KIAA1217: variants seen among roughly 807,000 people sequenced by gnomAD.
KIAA1217 encodes the protein sickle tail protein homolog.
In KIAA1217, 88 loss-of-function variants were observed where a neutral mutation model predicts 163.9. That is an observed-to-expected ratio of 0.54 (90% CI 0.45 to 0.64). The LOEUF is 0.64. Ranked by LOEUF, KIAA1217 falls within the 30% of genes least tolerant of loss-of-function variation. The pLI, the probability that KIAA1217 is intolerant of heterozygous loss-of-function variation, is 0.00. For synonymous variants in KIAA1217, 903 were observed against 923.1 expected (o/e 0.98, Z 0.39); for missense variants, 2,372 against 2,475.0 (o/e 0.96, Z 0.88).
In KIAA1217 at chr10:24,546,223, A is replaced by G; in HGVS notation, c.5731A>G (p.Lys1911Glu). 6.2e-7 allele frequency: 1 copy of G among 1,614,150 alleles called. No homozygotes were observed. Among genetic ancestry groups the G allele is most frequent in the South Asian group, 1.1e-5 (1 of 91,080 alleles). ...CTCCGTCTCACTGAATCAAGGTGCC[A>G]AGGGCACCAGGACCATCCATACTCC... ...ASSVSLNQGAKGTRTIHTPSL... is the reference protein window; with the variant it reads ...ASSVSLNQGAEGTRTIHTPSL... Residue 1911 changes from lysine to glutamate, a missense_variant, in exon 21 of 21, where the codon AAG (lysine) becomes GAG (glutamate). By Grantham distance (56) the Lys-to-Glu change is moderately conservative. Around this residue, in one of 3 missense-constraint regions of KIAA1217, gnomAD observed 690 missense variants for 677.5 expected, o/e 1.02. Coordinates refer to ENST00000376454, the MANE Select transcript of KIAA1217 (RefSeq NM_019590.5).
chr10:24,524,605 G>A lies in KIAA1217; in HGVS notation c.2739G>A (p.Val913=). 6.2e-7 allele frequency: 1 copy of A among 1,613,982 alleles called. No individual in the cohort carries two copies. The highest frequency in any genetic ancestry group is 8.5e-7 in the Non-Finnish European group (1 of 1,180,030). The change falls in exon 13 of 21, where the codon GTG becomes GTA. Residue 913 remains valine, a synonymous_variant. Coordinates refer to ENST00000376454, the MANE Select transcript of KIAA1217 (RefSeq NM_019590.5). ...ACCCTGCTCAGAACTTGCCTCACGTGGCCAGCTCCCCAGCCGTCCCCCAGG... is the reference window on the plus strand; with the variant it reads ...ACCCTGCTCAGAACTTGCCTCACGTAGCCAGCTCCCCAGCCGTCCCCCAGG... ...LLNPAQNLPH[V]ASSPAVPQEA...
intron 3 of KIAA1217, among the ~76,000 whole-genome samples, chr10:24,393,403 C>T (rs984951044): frequency 1.3e-5 from 2 of 152,142 alleles, no homozygotes; most frequent in Admixed American, 6.5e-5. Context: ...GAGGTTCTGT[C>T]TGGAGCAGGG....
intron 1 of KIAA1217, among the ~76,000 whole-genome samples, chr10:23,869,130 T>TG (rs1840335897): frequency 1.5e-5 from 2 of 133,738 alleles, no homozygotes; most frequent in Admixed American, 7.8e-5. Flanking sequence ...TGTAGTTTTT[T>TG]TTTTTTTTTT....
chr10:23,996,869 T>C (rs528389897), intron 1 of KIAA1217, among the ~76,000 whole-genome samples: 1 of 152,284 alleles, frequency 6.6e-6, no homozygotes, highest in South Asian at 2.1e-4. Context: ...ACTCCAACAA[T>C]ACTTAACTAG....
Position 23,891,133 on chromosome 10 carries a change from T to A in KIAA1217, c.-320-116092T>A, listed in dbSNP as rs373678208. 2.0e-5 allele frequency among the ~76,000 whole-genome samples: 3 copies of A among 152,142 alleles called. No homozygotes were observed. The South Asian group carries it at 6.2e-4, about 32-fold the overall frequency. On this transcript the variant is annotated intron_variant, in intron 1 of 18. Transcript: ENST00000376462. ...TACATTTGCAGATTAAATTAAAATG[T>A]ATCTTTCTAGTTTATACAGTACATT...
chr10:24,194,356 T>TACCCCACCAC (rs2066883592), intron 2 of KIAA1217, among the ~76,000 whole-genome samples: 3 of 65,502 alleles, frequency 4.6e-5, no homozygotes, highest in African/African-American at 1.8e-4. Context: ...ACCACTCCCC[T>TACCCCACCAC]TCCTTCATCC....
At chr10:24,282,849 T>C (rs967638539) in intron 2 of KIAA1217, among the ~76,000 whole-genome samples, 1 of 147,154 alleles carries the variant, frequency 6.8e-6, no homozygotes, top group African/African-American at 2.5e-5. Context: ...TTTTTTTTTT[T>C]TCAGACGGAG....
chr10:24,202,903 T>C (rs1298412562), intron 2 of KIAA1217, among the ~76,000 whole-genome samples: 1 of 152,180 alleles, frequency 6.6e-6, no homozygotes, highest in East Asian at 1.9e-4. Context: ...AAAATAGGTA[T>C]ACCGGGCCAG....
At chr10:24,397,187 C>T (rs1329654998) in intron 3 of KIAA1217, among the ~76,000 whole-genome samples, 1 of 148,050 alleles carries the variant, frequency 6.8e-6, no homozygotes, top group Non-Finnish European at 1.5e-5. Flanking sequence ...TCTTGGCTCA[C>T]TGCAACCTCA....
chr10:24,347,963 T>A (rs1177257368), intron 2 of KIAA1217, among the ~76,000 whole-genome samples: 2 of 152,264 alleles, frequency 1.3e-5, no homozygotes, highest in African/African-American at 4.8e-5. Flanking sequence ...GTCATTCATA[T>A]GCATATTCAT....
rs180718378 is a variant in KIAA1217, at chr10:23,906,273, C to A, written c.-320-100952C>A. Among the ~76,000 whole-genome samples the A allele has an allele frequency of 6.5e-3, 985 of 151,830 alleles. 9 individuals carry two copies. Among genetic ancestry groups the A allele is most frequent in the Middle Eastern group, 0.02 (6 of 294 alleles). ...TAGGAAGCACACACACACACACACACAAAAATACACATACACACAAACACG... is the reference window on the plus strand; with the variant it reads ...TAGGAAGCACACACACACACACACAAAAAAATACACATACACACAAACACG... On this transcript the variant is annotated intron_variant, in intron 1 of 18. Transcript: ENST00000376462.
intron 1 of KIAA1217, among the ~76,000 whole-genome samples, chr10:23,858,896 A>G (rs576962453): frequency 1.3e-5 from 2 of 152,276 alleles, no homozygotes; most frequent in South Asian, 2.1e-4. Context: ...TACAATCTCA[A>G]AATCGTCCTT....
intron 1 of KIAA1217, among the ~76,000 whole-genome samples, chr10:24,218,505 T>C (rs1450948240): frequency 6.6e-6 from 1 of 152,124 alleles, no homozygotes; most frequent in Non-Finnish European, 1.5e-5. Context: ...TTTTTTTCTT[T>C]TGAGACGGAG....
intron 2 of KIAA1217, among the ~76,000 whole-genome samples, chr10:24,130,715 A>C (rs2076361852): frequency 2.6e-5 from 4 of 152,008 alleles, no homozygotes; most frequent in African/African-American, 9.7e-5. Flanking sequence ...GCACCTCATG[A>C]CTCCCATATA....
intron 2 of KIAA1217, among the ~76,000 whole-genome samples, chr10:24,196,669 A>G (rs968810904): frequency 3.0e-4 from 46 of 152,184 alleles, no homozygotes; most frequent in Admixed American, 2.7e-3. Context: ...TGCTGGTGAC[A>G]GTTGCGTCCC....
chr10:24,105,218 G>T (rs527445663), intron 2 of KIAA1217, among the ~76,000 whole-genome samples: 1 of 152,228 alleles, frequency 6.6e-6, no homozygotes, highest in South Asian at 2.1e-4. Context: ...TAAGGAGCAA[G>T]AGAAAATTCA....
rs34656346 is a variant in KIAA1217, at chr10:23,776,679, CT to C, written c.-321+81464del. Among the ~76,000 whole-genome samples the C allele has an allele frequency of 1.7e-3, 197 of 117,896 alleles. 2 individuals are homozygous for C. Among genetic ancestry groups the C allele is most frequent in the South Asian group, 0.012 (42 of 3,646 alleles). 77.3% of individuals were successfully genotyped at this position (117,896 alleles called of 152,430 possible). ...TACTGAGTGTTATTGACTGTGGGTA[CT>C]TTTTTTTTTTTTTTTTTTGCGACAG... On this transcript the variant is annotated intron_variant, in intron 1 of 18. Coordinates refer to the KIAA1217 transcript ENST00000376462.
rs555208960 is a variant in KIAA1217 at position 24,082,092 on chromosome 10, A to T, written c.-171+74718A>T. Among the ~76,000 whole-genome samples, 8 of 152,208 alleles carry T rather than the reference A, an allele frequency of 5.3e-5. No individual in the cohort carries two copies. In the South Asian group the frequency reaches 1.7e-3, roughly 32 times the overall value. ...GATGCTTTCTGCTGCTGAAGGTGATAGTGCTTTGTCCCCTTTTGTAATTCA... is the reference window on the plus strand; with the variant it reads ...GATGCTTTCTGCTGCTGAAGGTGATTGTGCTTTGTCCCCTTTTGTAATTCA... On this transcript the variant is annotated intron_variant, in intron 2 of 18. Transcript: ENST00000376462.
At chr10:23,934,619 A>ATTT (rs1219984756) in intron 1 of KIAA1217, among the ~76,000 whole-genome samples, 5 of 64,672 alleles carry the variant, frequency 7.7e-5, no homozygotes, top group African/African-American at 3.0e-4. Context: ...ATATATATAT[A>ATTT]TATATATTTT....
Sources: gnomAD v4.1 joint callset for allele counts (sites outside exome capture counted in the v4.1 genomes callset) on GRCh38, gnomAD v4.1.1 for gene constraint, gnomAD v4.1.1 regional missense constraint, MANE v1.5 for transcripts, NCBI Gene and HGNC (gene_info 2026-07-23, HGNC 2026-07-21) for gene names.